CA10: variants seen among roughly 807,000 people sequenced by gnomAD.
CA10 encodes carbonic anhydrase 10 (inactive).
Under a neutral mutation model 44.2 loss-of-function variants are expected in CA10, and 14 were observed. The observed-to-expected ratio is 0.32, with a 90% CI of 0.21 to 0.50. CA10 has a LOEUF of 0.50. Ranked by LOEUF, CA10 falls within the 20% of genes least tolerant of loss-of-function variation. The pLI is 0.99. For synonymous variants in CA10, 159 were observed against 141.6 expected (o/e 1.12, Z -0.87); for missense variants, 350 against 409.7 (o/e 0.85, Z 1.26).
At chr17:51,902,647 C>G (rs1981369711) in intron 3 of CA10, among the ~76,000 whole-genome samples, 1 of 152,166 alleles carries the variant, frequency 6.6e-6, no homozygotes, top group Non-Finnish European at 1.5e-5. Context: ...GAAAGACAAG[C>G]CTATCAATAT....
At chr17:51,895,172 C>T (rs1386265176) in intron 3 of CA10, among the ~76,000 whole-genome samples, 1 of 151,978 alleles carries the variant, frequency 6.6e-6, no homozygotes, top group Non-Finnish European at 1.5e-5. Context: ...AAAAGAGGAT[C>T]CCTGAGGTTA....
At chr17:51,884,141 C>T (rs1211957701) in intron 3 of CA10, among the ~76,000 whole-genome samples, 1 of 152,148 alleles carries the variant, frequency 6.6e-6, no homozygotes, top group Non-Finnish European at 1.5e-5. Flanking sequence ...ACTAGCTCTT[C>T]TGTTGCCTCC....
intron 2 of CA10, among the ~76,000 whole-genome samples, chr17:52,044,403 A>G (rs1986852071): frequency 6.6e-6 from 1 of 152,100 alleles, no homozygotes; most frequent in Non-Finnish European, 1.5e-5. Flanking sequence ...TCCTGGGCTC[A>G]AGCAATCCTC....
At chr17:51,774,397 T>A (rs571871363) in intron 3 of CA10, among the ~76,000 whole-genome samples, 22 of 152,106 alleles carry the variant, frequency 1.4e-4, no homozygotes, top group Admixed American at 1.3e-3. Context: ...AGCAATATAA[T>A]GCTAGATTGG....
intron 3 of CA10, among the ~76,000 whole-genome samples, chr17:51,860,090 TC>T (rs1437757543): frequency 1.3e-5 from 2 of 152,198 alleles, no homozygotes; most frequent in Non-Finnish European, 2.9e-5. Context: ...ACATTTTTCT[TC>T]CTTCCTTACA....
intron 3 of CA10, among the ~76,000 whole-genome samples, chr17:51,859,170 A>G (rs1198029370): frequency 6.6e-6 from 1 of 152,158 alleles, no homozygotes; most frequent in African/African-American, 2.4e-5. Flanking sequence ...ATCAGGGCAG[A>G]GTTCTTCAAT....
intron 2 of CA10, among the ~76,000 whole-genome samples, chr17:52,010,009 T>A (rs1417547604): frequency 6.6e-6 from 1 of 151,948 alleles, no homozygotes; most frequent in Non-Finnish European, 1.5e-5. Context: ...ATGCTCCACA[T>A]CACTAAATAT....
chr17:51,689,162 C>T (rs1915105621), intron 4 of CA10, among the ~76,000 whole-genome samples: 2 of 152,116 alleles, frequency 1.3e-5, no homozygotes, highest in Non-Finnish European at 2.9e-5. Flanking sequence ...CCCTAGTACC[C>T]ACTAGAGTTT....
chr17:51,945,400 C>T (rs1490363021), intron 2 of CA10, among the ~76,000 whole-genome samples: 2 of 152,072 alleles, frequency 1.3e-5, no homozygotes, highest in African/African-American at 4.8e-5. Context: ...TGAAGAAAAA[C>T]CGAAAACGAT....
At chr17:51,696,204 C>T (rs368152065) in intron 4 of CA10, among the ~76,000 whole-genome samples, 10 of 152,030 alleles carry the variant, frequency 6.6e-5, no homozygotes, top group Non-Finnish European at 1.0e-4. Flanking sequence ...GGAGGAGTCC[C>T]GCCTCCTTGA....
chr17:51,887,200 AAC>A (rs1491380209), intron 3 of CA10, among the ~76,000 whole-genome samples: 7 of 151,990 alleles, frequency 4.6e-5, no homozygotes, highest in Non-Finnish European at 7.4e-5. Flanking sequence ...GAAAAAAAAA[AAC>A]CCACAAGTCT....
intron 2 of CA10, among the ~76,000 whole-genome samples, chr17:52,064,717 G>T (rs978680798): frequency 9.9e-5 from 15 of 152,118 alleles, no homozygotes; most frequent in African/African-American, 3.4e-4. Flanking sequence ...AAGCTGGGAG[G>T]GTTATTGACC....
intron 2 of CA10, among the ~76,000 whole-genome samples, chr17:51,945,662 T>C (rs1272395815): frequency 6.6e-6 from 1 of 152,100 alleles, no homozygotes; most frequent in Non-Finnish European, 1.5e-5. Context: ...TAAAACCACT[T>C]AGTAGAGCTA....
rs1300919091 is a variant in CA10, at chr17:52,052,305, A to ATTT, written c.136+20013_136+20014insAAA. 5.4e-3 allele frequency among the ~76,000 whole-genome samples: 688 copies of ATTT among 127,714 alleles called. 3 individuals are homozygous for ATTT. Among genetic ancestry groups the ATTT allele is most frequent in the African/African-American group, 0.018 (637 of 35,764 alleles). 83.8% of individuals were successfully genotyped at this position (127,714 alleles called of 152,430 possible). A position where few individuals can be genotyped will look rare whatever the true frequency, so the allele number is the denominator to read the frequency against. ...CTTAAAAGGCTTTTTTTTTTAAAAAAAAAAAAAAAAAGACAGGCATTCACC... is the reference window on the plus strand; with the variant it reads ...CTTAAAAGGCTTTTTTTTTTAAAAAATTTAAAAAAAAAAAGACAGGCATTCACC... On this transcript the variant is annotated intron_variant, in intron 2 of 8. Coordinates refer to ENST00000451037, the MANE Select transcript of CA10 (RefSeq NM_020178.5).
At chr17:52,081,965 A>G (rs1987994983) in intron 1 of CA10, among the ~76,000 whole-genome samples, 1 of 152,138 alleles carries the variant, frequency 6.6e-6, no homozygotes, top group African/African-American at 2.4e-5. Context: ...TAAGGGAGTA[A>G]TTTGGGAGCA....
intron 2 of CA10, among the ~76,000 whole-genome samples, chr17:52,038,146 G>C (rs1986669627): frequency 6.6e-6 from 1 of 152,020 alleles, no homozygotes; most frequent in South Asian, 2.1e-4. Context: ...AATAATTCAG[G>C]ACAAGCAAAA....
At chr17:51,948,059 C>T (rs1983350886) in intron 2 of CA10, among the ~76,000 whole-genome samples, 1 of 152,098 alleles carries the variant, frequency 6.6e-6, no homozygotes, top group Non-Finnish European at 1.5e-5. Context: ...GTTAATTATC[C>T]TTTAGGACTT....
intron 3 of CA10, among the ~76,000 whole-genome samples, chr17:51,890,532 G>A (rs568770819): frequency 1.3e-5 from 2 of 152,140 alleles, no homozygotes; most frequent in Non-Finnish European, 2.9e-5. Context: ...TTTAAACCTC[G>A]CTTGAATGAT....
chr17:51,830,608 A>ACTT (rs1908202055), intron 3 of CA10, among the ~76,000 whole-genome samples: 1 of 152,204 alleles, frequency 6.6e-6, no homozygotes, highest in Non-Finnish European at 1.5e-5. Flanking sequence ...CTGAGCTTGC[A>ACTT]GGGTCAGGGC....
Sources: gnomAD v4.1 joint callset for allele counts (sites outside exome capture counted in the v4.1 genomes callset) on GRCh38, gnomAD v4.1.1 for gene constraint, MANE v1.5 for transcripts, NCBI Gene and HGNC (gene_info 2026-07-23, HGNC 2026-07-21) for gene names.